The following ANKHD1 variants were observed in gnomAD, a reference collection of about 807,000 sequenced individuals.
ANKHD1 encodes the protein ankyrin repeat and KH domain-containing protein 1.
Under a neutral mutation model 230.5 loss-of-function variants are expected in ANKHD1, and 31 were observed. The ratio of observed to expected loss-of-function variants is 0.13; its 90% confidence interval spans 0.10 to 0.18. ANKHD1 has a LOEUF of 0.18. ANKHD1 is among the 10% of genes least tolerant of loss of function. The pLI, the probability that ANKHD1 is intolerant of heterozygous loss-of-function variation, is 1.00. For synonymous variants in ANKHD1, 1,074 were observed against 1,117.6 expected, an observed-to-expected ratio of 0.96 and a Z score of 0.78; for missense variants, 2,256 against 3,071.3, an observed-to-expected ratio of 0.73 and a Z score of 6.27.
intron 20 of ANKHD1, among the ~76,000 whole-genome samples, chr5:140,509,015 G>A (rs1752652364): frequency 6.6e-6 from 1 of 152,080 alleles, no homozygotes; most frequent in Non-Finnish European, 1.5e-5. Context: ...CTTCTTCCCT[G>A]AAATTCCTTT....
At position 140,519,992 on chromosome 5, in the gene ANKHD1, A is replaced by G. The variant is rs1164567183; in HGVS notation, c.4318-4074A>G. 3.9e-5 allele frequency among the ~76,000 whole-genome samples: 6 copies of G among 152,038 alleles called. 1 individual carries two copies. Among genetic ancestry groups the G allele is most frequent in the African/African-American group, 1.2e-4 (5 of 41,466 alleles). ...AAACTACTATCAGAGTGAACAGGCAACCTACAAAATGGGAGAAAATTTTCG... is the reference window on the plus strand; with the variant it reads ...AAACTACTATCAGAGTGAACAGGCAGCCTACAAAATGGGAGAAAATTTTCG... On this transcript the variant is annotated intron_variant, in intron 24 of 33. Transcript: ENST00000360839.
Position 140,402,290 on chromosome 5 carries a change from C to G in ANKHD1, c.306+17C>G, listed in dbSNP as rs540262672. The G allele has an allele frequency of 6.8e-5, 99 of 1,458,834 alleles. 2 individuals are homozygous for G. In the South Asian group the frequency reaches 1.2e-3, roughly 18 times the overall value. The allele number at this position is 1,458,834 out of a possible 1,614,324, so 90.4% of individuals were successfully genotyped here. A position where few individuals can be genotyped will look rare whatever the true frequency, so the allele number is the denominator to read the frequency against. ...GTGTCCGAGGTAAGGCTCCGGGACC[C>G]TCGCCTCCCACACATTGTGAGGCGT... On this transcript the variant is annotated intron_variant, in intron 1 of 33. Transcript: ENST00000360839.
At chr5:140,428,256 T>G (rs1339701980) in intron 1 of ANKHD1, among the ~76,000 whole-genome samples, 1 of 152,146 alleles carries the variant, frequency 6.6e-6, no homozygotes, top group African/African-American at 2.4e-5. Context: ...GAGGCTGCAA[T>G]CTCGGCACTT....
chr5:140,467,829 A>G (rs192186939), intron 10 of ANKHD1, among the ~76,000 whole-genome samples: 1 of 152,186 alleles, frequency 6.6e-6, no homozygotes, highest in Non-Finnish European at 1.5e-5. Context: ...CCTGGGAAAA[A>G]GTGACTGGTA....
chr5:140,488,824 C>T (rs960900441), intron 14 of ANKHD1, among the ~76,000 whole-genome samples: 2 of 151,872 alleles, frequency 1.3e-5, no homozygotes, highest in African/African-American at 2.4e-5. Flanking sequence ...CACTTGAACC[C>T]GGGAGGCAGA....
At chr5:140,438,867 C>T (rs1773642701) in intron 3 of ANKHD1, among the ~76,000 whole-genome samples, 1 of 152,154 alleles carries the variant, frequency 6.6e-6, no homozygotes, top group South Asian at 2.1e-4. Flanking sequence ...CTGAGAAATC[C>T]AAACTGAATA....
intron 13 of ANKHD1, among the ~76,000 whole-genome samples, chr5:140,486,326 A>G (rs1250352491): frequency 6.6e-6 from 1 of 152,156 alleles, no homozygotes; most frequent in Admixed American, 6.5e-5. Context: ...CGGCCTCCCA[A>G]AGTGCTGGAA....
intron 3 of ANKHD1, among the ~76,000 whole-genome samples, chr5:140,439,391 C>G (rs952222565): frequency 5.9e-5 from 9 of 152,064 alleles, no homozygotes; most frequent in Admixed American, 4.6e-4. Context: ...ACACTAGAGG[C>G]CAGGCATGGT....
At position 140,506,116 on chromosome 5, in the gene ANKHD1, G is replaced by A. The variant is rs1581350021; in HGVS notation, c.3408+247G>A. Reference sequence around the variant, plus strand: ...TAGCTAGGGCTGTTTTGTAGAGATGGGGTCATGTAATGTTGCCCTGGCCGA... The same window carrying A: ...TAGCTAGGGCTGTTTTGTAGAGATGAGGTCATGTAATGTTGCCCTGGCCGA... On this transcript the variant is annotated intron_variant, in intron 18 of 33. Transcript: ENST00000360839. This position sits in a 1 kb window ranked among gnomAD's most constrained non-coding sequence, Gnocchi z 4.7. 6.6e-6 allele frequency among the ~76,000 whole-genome samples: 1 copy of A among 152,010 alleles called. No homozygotes were observed. The highest frequency in any genetic ancestry group is 1.9e-4 in the East Asian group (1 of 5,186).
intron 24 of ANKHD1, 84 bp from the exon 25 acceptor site, chr5:140,523,982 C>CAT: frequency 6.9e-7 from 1 of 1,453,254 alleles, no homozygotes. Context: ...CATGGAAATC[C>CAT]CTGTGTATCA....
intron 9 of ANKHD1, among the ~76,000 whole-genome samples, chr5:140,460,390 AAAAG>A (rs1212255010): frequency 1.3e-4 from 20 of 152,304 alleles, no homozygotes; most frequent in African/African-American, 4.8e-4. Flanking sequence ...GTTAATATGT[AAAAG>A]AAAATAAAAT....
chr5:140,459,483 G>T lies in ANKHD1; in HGVS notation c.1672+128G>T, dbSNP rs190826517. On this transcript the variant is annotated intron_variant, in intron 9 of 33. Coordinates refer to ENST00000360839, the MANE Select transcript of ANKHD1 (RefSeq NM_017747.3). ...TGGTTACCAGAGTGTGGGCATGAGG[G>T]TGGGAGGAGAGTACACAAGGAGAGG... The T allele has an allele frequency of 2.9e-4, 358 of 1,214,474 alleles. 1 individual carries two copies. In the African/African-American group the frequency reaches 5.0e-3, roughly 17 times the overall value. 75.2% of individuals were successfully genotyped at this position (1,214,474 alleles called of 1,614,324 possible).
At chr5:140,538,897 A>C in intron 32 of ANKHD1, 22 bp from the exon 33 acceptor site, 2 of 1,479,182 alleles carry the variant, frequency 1.4e-6, no homozygotes, top group Non-Finnish European at 1.8e-6. Context: ...TTAAGATTAA[A>C]TCTTTTTTCC....
chr5:140,427,712 T>G (rs1280118371), intron 1 of ANKHD1, among the ~76,000 whole-genome samples: 1 of 122,838 alleles, frequency 8.1e-6, no homozygotes, highest in Middle Eastern at 6.7e-3. Flanking sequence ...CACTTCCCAG[T>G]AGGGGCGGCC....
intron 14 of ANKHD1, among the ~76,000 whole-genome samples, chr5:140,489,996 C>G (rs1167460970): frequency 6.6e-6 from 1 of 152,140 alleles, no homozygotes; most frequent in African/African-American, 2.4e-5. Flanking sequence ...CACTGAATTA[C>G]CAGGATAGGA....
intron 14 of ANKHD1, among the ~76,000 whole-genome samples, chr5:140,494,704 T>A (rs994883700): frequency 6.6e-6 from 1 of 152,190 alleles, no homozygotes; most frequent in African/African-American, 2.4e-5. Context: ...TTGTCACCCC[T>A]TTGAAATTCA....
intron 1 of ANKHD1, among the ~76,000 whole-genome samples, chr5:140,429,683 TTC>T (rs1425333778): frequency 6.6e-6 from 1 of 152,208 alleles, no homozygotes; most frequent in Admixed American, 6.5e-5. Flanking sequence ...TAATAACATT[TTC>T]TGTGTTAGCT....
chr5:140,402,590 C>A (rs1402950008), intron 1 of ANKHD1, among the ~76,000 whole-genome samples: 1 of 152,196 alleles, frequency 6.6e-6, no homozygotes, highest in African/African-American at 2.4e-5. Flanking sequence ...GGGGCGGGGT[C>A]TTGCCAGAGT....
chr5:140,402,418 A>G lies in ANKHD1; in HGVS notation c.306+145A>G, dbSNP rs531033441. ...CTCCATGGCGGCGGTGGCCGCGGTGAGGGCCTAGTGAGCCCTCGGCTTACT... is the reference window on the plus strand; with the variant it reads ...CTCCATGGCGGCGGTGGCCGCGGTGGGGGCCTAGTGAGCCCTCGGCTTACT... On this transcript the variant is annotated intron_variant, in intron 1 of 33. Transcript: ENST00000360839. The G allele has an allele frequency of 1.0e-5, 12 of 1,183,098 alleles. No individual in the cohort carries two copies. In the Admixed American group the frequency reaches 3.2e-4, roughly 31 times the overall value. 73.3% of individuals were successfully genotyped at this position (1,183,098 alleles called of 1,614,324 possible). A position where few individuals can be genotyped will look rare whatever the true frequency, so the allele number is the denominator to read the frequency against.
Sources: allele counts gnomAD v4.1 joint callset (sites outside exome capture counted in the v4.1 genomes callset), GRCh38; gene constraint gnomAD v4.1.1; non-coding constraint Gnocchi (gnomAD v3.1); transcripts MANE v1.5; gene names NCBI Gene and HGNC (gene_info 2026-07-23, HGNC 2026-07-21).